RYR1: variants seen among roughly 807,000 people sequenced by gnomAD.
The protein encoded by RYR1 is ryanodine receptor 1.
A neutral mutation model predicts 583.5 loss-of-function variants in RYR1; 342 were observed. The ratio of observed to expected loss-of-function variants is 0.59; its 90% confidence interval spans 0.54 to 0.64. RYR1 has a LOEUF of 0.64. Among genes scored for constraint, RYR1 ranks in the 30% least tolerant of loss-of-function variants. The pLI is 0.00. For synonymous variants in RYR1, 2,791 were observed against 2,822.5 expected (o/e 0.99, Z 0.35); for missense variants, 6,032 against 6,917.2 (o/e 0.87, Z 4.54).
At chr19:38,474,271 T>C (rs1007644398) in intron 28 of RYR1, among the ~76,000 whole-genome samples, 1 of 151,476 alleles carries the variant, frequency 6.6e-6, no homozygotes, top group Non-Finnish European at 1.5e-5. Context: ...TTTTTCTTTC[T>C]ATCTTTTTTT....
chr19:38,532,709 T>C lies in RYR1; in HGVS notation c.11232T>C (p.Ala3744=), dbSNP rs762287743. The C allele has an allele frequency of 1.2e-6, 2 of 1,613,878 alleles. No individual in the cohort carries two copies. The highest frequency in any genetic ancestry group is 1.7e-6 in the Non-Finnish European group (2 of 1,179,980). Reference sequence around the variant, plus strand: ...AGGAGGGAGGGGAGAACGGTGAAGCTGAAGAGGAGGTTGAGGTCTCCTTTG... The same window carrying C: ...AGGAGGGAGGGGAGAACGGTGAAGCCGAAGAGGAGGTTGAGGTCTCCTTTG... The part of the protein sequence containing the change: ...HLEEGGENGE[A]EEEVEVSFEE... The change falls in exon 78 of 106, where the codon GCT becomes GCC. Residue 3744 remains alanine, a synonymous_variant. Coordinates refer to ENST00000359596, the MANE Select transcript of RYR1 (RefSeq NM_000540.3).
intron 76 of RYR1, among the ~76,000 whole-genome samples, chr19:38,531,541 G>A (rs1166845836): frequency 1.3e-5 from 2 of 151,968 alleles, no homozygotes; most frequent in Non-Finnish European, 2.9e-5. Flanking sequence ...TGAGCTGACA[G>A]GTGGCAAGAT....
intron 69 of RYR1, chr19:38,523,641 T>C: frequency 1.6e-6 from 1 of 606,622 alleles, no homozygotes; most frequent in South Asian, 2.0e-5. Flanking sequence ...ATTTCCCTCC[T>C]CCTCCTCCTC....
intron 83 of RYR1, 102 bp from the exon 84 acceptor site, chr19:38,537,778 C>A: frequency 2.7e-6 from 3 of 1,092,554 alleles, no homozygotes; most frequent in South Asian, 2.5e-5. Context: ...CACCCCCATG[C>A]TTTGTGCATG....
chr19:38,501,309 C>T (rs1319528580), intron 47 of RYR1, among the ~76,000 whole-genome samples: 1 of 151,978 alleles, frequency 6.6e-6, no homozygotes, highest in Non-Finnish European at 1.5e-5. Flanking sequence ...ACCAGCCTGA[C>T]CAACATGGTG....
chr19:38,447,064 A>T (rs1171156721), intron 9 of RYR1, among the ~76,000 whole-genome samples: 2 of 152,098 alleles, frequency 1.3e-5, no homozygotes, highest in African/African-American at 4.8e-5. Flanking sequence ...TAAAATAAAT[A>T]AAATAAAGAA....
At chr19:38,536,170 A>G in intron 82 of RYR1, 100 bp downstream of exon 82, 1 of 967,874 alleles carries the variant, frequency 1.0e-6, no homozygotes, top group East Asian at 3.4e-5. Context: ...CCCTTCCTCC[A>G]AGACACTGGT....
intron 7 of RYR1, 47 bp from the exon 8 acceptor site, chr19:38,446,425 C>G (rs1972943557): frequency 7.0e-7 from 1 of 1,432,664 alleles, no homozygotes; most frequent in African/African-American, 1.4e-5. Flanking sequence ...CCTGGTCTTC[C>G]TGGGGCTCCA....
intron 78 of RYR1, among the ~76,000 whole-genome samples, chr19:38,533,177 T>C (rs2145738851): frequency 1.3e-5 from 2 of 152,044 alleles, no homozygotes; most frequent in South Asian, 4.2e-4. Flanking sequence ...AAAAGGAGCC[T>C]GCCAGTTGAA....
At chr19:38,521,039 C>G (rs1971206111) in intron 67 of RYR1, among the ~76,000 whole-genome samples, 1 of 152,128 alleles carries the variant, frequency 6.6e-6, no homozygotes, top group Non-Finnish European at 1.5e-5. Flanking sequence ...CTTTGAGAGA[C>G]TGAGGCGGGA....
chr19:38,541,183 C>T (rs76462525), intron 84 of RYR1, among the ~76,000 whole-genome samples: 3,466 of 152,280 alleles, frequency 0.023, 94 homozygotes, highest in Admixed American at 0.073. Context: ...GGTTCTAATT[C>T]AATTGATCTG....
chr19:38,561,649 A>G lies in RYR1; in HGVS notation c.12624+195A>G, dbSNP rs1293599522. 6.6e-6 allele frequency among the ~76,000 whole-genome samples: 1 copy of G among 152,086 alleles called. No individual in the cohort carries two copies. The highest frequency in any genetic ancestry group is 1.5e-5 in the Non-Finnish European group (1 of 67,992). On this transcript the variant is annotated intron_variant, in intron 90 of 105. Transcript: ENST00000359596. This position sits in a 1 kb window ranked among gnomAD's most constrained non-coding sequence, Gnocchi z 4.8. ...GCACATCCCTGGCTCGCCCCTGGCCACTTCTTGCGGACCTGGCCCACACAA... is the reference window on the plus strand; with the variant it reads ...GCACATCCCTGGCTCGCCCCTGGCCGCTTCTTGCGGACCTGGCCCACACAA...
At position 38,502,567 on chromosome 19, in the gene RYR1, C is replaced by T; in HGVS notation, c.7675C>T (p.Leu2559=). The change falls in exon 48 of 106, where the codon CTG becomes TTG. Residue 2559 remains leucine (L), a synonymous_variant. Coordinates refer to ENST00000359596, the MANE Select transcript of RYR1 (RefSeq NM_000540.3). ...ALNRYLCLAV[L]PLITKCAPLF... ...GAACCGCTACCTGTGCCTGGCCGTG[C>T]TGCCGCTCATCACCAAGTGTGCGCC... 2.5e-6 allele frequency: 4 copies of T among 1,612,162 alleles called. No homozygotes were observed. Among genetic ancestry groups the T allele is most frequent in the Non-Finnish European group, 3.4e-6 (4 of 1,179,916 alleles).
At chr19:38,538,107 C>T in intron 84 of RYR1, 147 bp downstream of exon 84, 1 of 777,748 alleles carries the variant, frequency 1.3e-6, no homozygotes, top group South Asian at 1.6e-5. Context: ...CTTTCAAAAT[C>T]TCTCTGGAGG....
intron 28 of RYR1, 45 bp downstream of exon 28, chr19:38,473,816 G>A: frequency 7.1e-7 from 1 of 1,417,586 alleles, no homozygotes; most frequent in East Asian, 2.5e-5. Flanking sequence ...GCTGCCTTGG[G>A]ACCCCCAAGT....
rs12052068 is a variant in RYR1, at chr19:38,535,732, C to T, written c.11517-265C>T. The T allele has an allele frequency of 7.9e-4, 469 of 593,822 alleles. 7 individuals are homozygous for T. In the East Asian group the frequency reaches 0.012, roughly 16 times the overall value. The allele number at this position is 593,822 out of a possible 1,614,324, so 36.8% of individuals were successfully genotyped here. A position where few individuals can be genotyped will look rare whatever the true frequency, so the allele number is the denominator to read the frequency against. ...GTCTGCCTTTATTCACCTCTTGCTG[C>T]CGGCTGATTTTTCCTACCCTCTGCA... On this transcript the variant is annotated intron_variant, in intron 81 of 105. Coordinates refer to ENST00000359596, the MANE Select transcript of RYR1 (RefSeq NM_000540.3).
chr19:38,585,318 G>A, intron 102 of RYR1, among the ~76,000 whole-genome samples: 1 of 150,992 alleles, frequency 6.6e-6, no homozygotes, highest in South Asian at 2.1e-4. Context: ...GATTAAGTCA[G>A]TTCATAGGCG....
At position 38,528,779 on chromosome 19, in the gene RYR1, C is replaced by T. The variant is rs113665507; in HGVS notation, c.11034+84C>T. 5.5e-5 allele frequency: 81 copies of T among 1,465,898 alleles called. 1 individual carries two copies. Among genetic ancestry groups the T allele is most frequent in the Admixed American group, 1.6e-4 (9 of 57,460 alleles). 90.8% of individuals were successfully genotyped at this position (1,465,898 alleles called of 1,614,324 possible). ...CCACCCTTGGCACACCTCCAGGGGT[C>T]GGCCCTCCACATCAAGGGGTATAGA... is the stretch of plus-strand genomic sequence containing the variant. On this transcript the variant is annotated intron_variant, in intron 75 of 105. Transcript: ENST00000359596.
At chr19:38,442,227 G>T in intron 2 of RYR1, 122 bp from the exon 3 acceptor site, 2 of 718,352 alleles carry the variant, frequency 2.8e-6, no homozygotes, top group Non-Finnish European at 2.6e-6. Flanking sequence ...CCTGTGGGGT[G>T]GGGGTGGGGT....
Sources: allele counts gnomAD v4.1 joint callset (sites outside exome capture counted in the v4.1 genomes callset), GRCh38; gene constraint gnomAD v4.1.1; non-coding constraint Gnocchi (gnomAD v3.1); transcripts MANE v1.5; gene names NCBI Gene and HGNC (gene_info 2026-07-23, HGNC 2026-07-21).